Variants in GOLM1 observed in about 807,000 individuals in gnomAD.
GOLM1 encodes golgi membrane protein 1.
In GOLM1, 31 loss-of-function variants were observed where a neutral mutation model predicts 50.5. That is an observed-to-expected ratio of 0.61 (90% confidence interval 0.46 to 0.83). The LOEUF is 0.83. Among genes scored for constraint, GOLM1 ranks in the 40% least tolerant of loss-of-function variants. The probability of loss-of-function intolerance (pLI) is 0.00; values close to 1 mark genes in which losing one functional copy is unlikely to be tolerated. For synonymous variants in GOLM1, 178 were observed against 192.8 expected (o/e 0.92, Z 0.64); for missense variants, 491 against 501.3 (o/e 0.98, Z 0.20).
chr9:86,028,842 CTTTTTT>C (rs35054627), intron 9 of GOLM1, among the ~76,000 whole-genome samples: 16 of 106,822 alleles, frequency 1.5e-4, no homozygotes, highest in East Asian at 1.1e-3. Flanking sequence ...GATAAGGGAA[CTTTTTT>C]TTTTTTTTTT....
In GOLM1 at chr9:86,036,516, G is replaced by T; in HGVS notation, c.598-9C>A. On this transcript the variant is annotated splice_polypyrimidine_tract_variant and intron_variant, in intron 6 of 9. Transcript: ENST00000388712. Reference sequence around the variant, plus strand: ...TCACTGAGGGCTTGGAGCTGAAACAGAAGCACAGGACAGCCAGCCAGGGCA... The same window carrying T: ...TCACTGAGGGCTTGGAGCTGAAACATAAGCACAGGACAGCCAGCCAGGGCA... 6 of 1,613,874 alleles carry T rather than the reference G, an allele frequency of 3.7e-6. No homozygotes were observed. Among genetic ancestry groups the T allele is most frequent in the Non-Finnish European group, 5.1e-6 (6 of 1,179,932 alleles).
In GOLM1 at chr9:86,026,570, G is replaced by T; in HGVS notation, c.*1247C>A. The T allele has an allele frequency of 1.1e-6, 1 of 919,418 alleles. No individual in the cohort carries two copies. Among genetic ancestry groups the T allele is most frequent in the Non-Finnish European group, 1.3e-6 (1 of 769,736 alleles). 57.0% of individuals were successfully genotyped at this position (919,418 alleles called of 1,614,324 possible). ...AGGGTTGGATCAAACGATCTCTGGG[G>T]CCTTAGCATCTCAAATCCTGTGGAT... On this transcript the variant is annotated 3_prime_UTR_variant, in exon 10 of 10. Coordinates refer to ENST00000388712, the MANE Select transcript of GOLM1 (RefSeq NM_016548.4).
At chr9:86,093,357 C>CAT (rs533588966) in intron 1 of GOLM1, among the ~76,000 whole-genome samples, 1 of 137,284 alleles carries the variant, frequency 7.3e-6, no homozygotes, top group Non-Finnish European at 1.5e-5. Flanking sequence ...GCCTGAGTGA[C>CAT]AGAGCGAGAT....
At chr9:86,071,678 G>GA (rs113944849) in intron 3 of GOLM1, among the ~76,000 whole-genome samples, 57 of 126,314 alleles carry the variant, frequency 4.5e-4, no homozygotes, top group Non-Finnish European at 5.5e-4. Flanking sequence ...GTCTCAAAAA[G>GA]AAAAAAAAAA....
intron 2 of GOLM1, 145 bp downstream of exon 2, chr9:86,079,047 C>T: frequency 1.6e-6 from 1 of 627,176 alleles, no homozygotes; most frequent in Non-Finnish European, 2.5e-6. Flanking sequence ...TGGGGGTGTG[C>T]AGAGCCCTAA....
chr9:86,041,978 A>G (rs1209086231), intron 5 of GOLM1, among the ~76,000 whole-genome samples: 2 of 152,180 alleles, frequency 1.3e-5, no homozygotes, highest in Non-Finnish European at 2.9e-5. Flanking sequence ...TTGGCTGGGC[A>G]TGGTGGCGGG....
At position 86,076,421 on chromosome 9, in the gene GOLM1, C is replaced by CAAAAAAA. The variant is rs58193076; in HGVS notation, c.309+984_309+990dup. ...GGACAACAAGAGGGAAACCCCATCTCAAAAAAAAAAAAAAAAAAAAAAAAA... is the reference window on the plus strand; with the variant it reads ...GGACAACAAGAGGGAAACCCCATCTCAAAAAAAAAAAAAAAAAAAAAAAAAAAAAAAA... On this transcript the variant is annotated intron_variant, in intron 3 of 9. Coordinates refer to ENST00000388712, the MANE Select transcript of GOLM1 (RefSeq NM_016548.4). 1.9e-3 allele frequency among the ~76,000 whole-genome samples: 45 copies of CAAAAAAA among 23,322 alleles called. 1 individual carries two copies. The highest frequency in any genetic ancestry group is 2.8e-3 in the Non-Finnish European group (32 of 11,416). The allele number at this position is 23,322 out of a possible 152,430, so 15.3% of individuals were successfully genotyped here. A position where few individuals can be genotyped will look rare whatever the true frequency, so the allele number is the denominator to read the frequency against.
chr9:86,053,581 ACACACCACAC>A (rs1309462866), intron 3 of GOLM1, among the ~76,000 whole-genome samples: 2 of 1,420 alleles, frequency 1.4e-3, no homozygotes, highest in African/African-American at 2.1e-3. Flanking sequence ...CACACACACC[ACACACCACAC>A]CACTCCACAC....
chr9:86,055,526 C>T (rs1029027759), intron 3 of GOLM1, among the ~76,000 whole-genome samples: 3 of 152,088 alleles, frequency 2.0e-5, no homozygotes, highest in Admixed American at 6.5e-5. Flanking sequence ...TACCAAGAGG[C>T]GAATGCAACC....
intron 1 of GOLM1, among the ~76,000 whole-genome samples, chr9:86,085,418 T>G (rs1834922290): frequency 6.6e-6 from 1 of 151,704 alleles, no homozygotes; most frequent in Non-Finnish European, 1.5e-5. Context: ...TTTCATCTAT[T>G]CTTTTACTTT....
In GOLM1 at chr9:86,027,011, T is replaced by G. The variant is rs2118587641; in HGVS notation, c.*806A>C. 1.0e-6 allele frequency: 1 copy of G among 985,438 alleles called. No homozygotes were observed. Among genetic ancestry groups the G allele is most frequent in the South Asian group, 4.7e-5 (1 of 21,280 alleles). The allele number at this position is 985,438 out of a possible 1,614,324, so 61.0% of individuals were successfully genotyped here. ...GCCTCTCACCATGCTCTGCTCCAGG[T>G]CAGCCCCCTTTTGGCCTGTTTGTTT... On this transcript the variant is annotated 3_prime_UTR_variant, in exon 10 of 10. Transcript: ENST00000388712.
intron 1 of GOLM1, among the ~76,000 whole-genome samples, chr9:86,088,216 T>C (rs1344826540): frequency 6.6e-6 from 1 of 151,892 alleles, no homozygotes; most frequent in Non-Finnish European, 1.5e-5. Flanking sequence ...GATTTTCTAG[T>C]TTATTTGCGT....
chr9:86,095,873 T>C (rs765350772), intron 1 of GOLM1, among the ~76,000 whole-genome samples: 1 of 152,196 alleles, frequency 6.6e-6, no homozygotes, highest in East Asian at 1.9e-4. Context: ...ACCTGTTATT[T>C]TGAGTGCTTC....
intron 3 of GOLM1, among the ~76,000 whole-genome samples, chr9:86,060,901 AAAAAAAAAAAAAAGAAG>A (rs1834140637): frequency 2.5e-5 from 2 of 80,068 alleles, no homozygotes; most frequent in Admixed American, 1.2e-4. Flanking sequence ...AAAAAAAAAA[AAAAAAAAAAAAAAGAAG>A]AAGAAGAAGA....
chr9:86,096,798 A>G (rs1835366958), intron 1 of GOLM1, among the ~76,000 whole-genome samples: 1 of 152,224 alleles, frequency 6.6e-6, no homozygotes, highest in African/African-American at 2.4e-5. Flanking sequence ...ATAACAGCAA[A>G]TACATGTAGT....
intron 9 of GOLM1, among the ~76,000 whole-genome samples, chr9:86,029,740 C>T (rs943391968): frequency 1.3e-5 from 2 of 152,168 alleles, no homozygotes; most frequent in African/African-American, 4.8e-5. Context: ...CTGATGTTGA[C>T]ATTTCTTCAG....
At position 86,077,346 on chromosome 9, in the gene GOLM1, G is replaced by C. The variant is rs1587731794; in HGVS notation, c.309+66C>G. The C allele has an allele frequency of 1.9e-5, 25 of 1,314,090 alleles. No homozygotes were observed. The East Asian group carries it at 4.2e-4, about 22-fold the overall frequency. The allele number at this position is 1,314,090 out of a possible 1,614,324, so 81.4% of individuals were successfully genotyped here. On this transcript the variant is annotated intron_variant, in intron 3 of 9. Coordinates refer to ENST00000388712, the MANE Select transcript of GOLM1 (RefSeq NM_016548.4). ...AGCCGCTTGCTCATCCTCCCGCCAA[G>C]AAGAAACAGACAATGTAGACACCAT...
intron 1 of GOLM1, among the ~76,000 whole-genome samples, chr9:86,081,158 G>A (rs1301236433): frequency 1.3e-5 from 2 of 151,462 alleles, no homozygotes; most frequent in Non-Finnish European, 2.9e-5. Context: ...AAAGTACTGG[G>A]ATTACAGGTA....
intron 5 of GOLM1, 70 bp downstream of exon 5, chr9:86,046,387 TCGGAGGTTACATC>T: frequency 1.2e-6 from 1 of 806,852 alleles, no homozygotes; most frequent in African/African-American, 1.7e-5. Context: ...GCATGCTCTA[TCGGAGGTTACATC>T]TCAGCTTAAT....
Sources: gnomAD v4.1 joint callset for allele counts (sites outside exome capture counted in the v4.1 genomes callset) on GRCh38, gnomAD v4.1.1 for gene constraint, MANE v1.5 for transcripts, NCBI Gene and HGNC (gene_info 2026-07-23, HGNC 2026-07-21) for gene names.